DGKK: variants seen among roughly 807,000 people sequenced by gnomAD.
DGKK encodes the protein 142 kDa diacylglycerol kinase.
Under a neutral mutation model 92.2 loss-of-function variants are expected in DGKK, and 35 were observed. The ratio of observed to expected loss-of-function variants is 0.38; its 90% CI spans 0.29 to 0.50. The LOEUF (loss-of-function observed/expected upper bound fraction) is 0.50, where lower values mean the gene tolerates loss of function less well. Ranked by LOEUF, DGKK falls within the 20% of genes least tolerant of loss-of-function variation. The pLI, the probability that DGKK is intolerant of heterozygous loss-of-function variation, is 0.92. For synonymous variants in DGKK, 368 were observed against 360.6 expected (o/e 1.02, Z -0.23); for missense variants, 910 against 992.2 (o/e 0.92, Z 1.11).
intron 6 of DGKK, 39 bp downstream of exon 6, chrX:50,403,452 G>A (rs1420845413): frequency 3.8e-5 from 43 of 1,135,228 alleles, no homozygotes; most frequent in Non-Finnish European, 5.2e-5. Flanking sequence ...AAGGGGACAT[G>A]GGAGAGGCCG....
rs182009806 is a variant in DGKK at position 50,398,596 on chromosome X, G to A, written c.1411+2441C>T. Among the ~76,000 whole-genome samples the A allele has an allele frequency of 1.8e-3, 201 of 111,864 alleles. 1 individual carries two copies. Among genetic ancestry groups the A allele is most frequent in the Middle Eastern group, 9.3e-3 (2 of 216 alleles). On this transcript the variant is annotated intron_variant, in intron 8 of 27. Transcript: ENST00000611977. ...AAGCAATAATATTATATCACTGGTG[G>A]AAAGAAGAAGAAAGTAACAATGCCA...
chrX:50,408,749 A>G (rs1213767903), intron 4 of DGKK, among the ~76,000 whole-genome samples: 1 of 111,988 alleles, frequency 8.9e-6, no homozygotes, highest in Non-Finnish European at 1.9e-5. Context: ...TTGGAAGCAT[A>G]TAGCTTGTTT....
intron 4 of DGKK, among the ~76,000 whole-genome samples, chrX:50,406,878 G>A (rs1368034615): frequency 1.8e-5 from 2 of 111,568 alleles, no homozygotes; most frequent in Non-Finnish European, 3.8e-5. Flanking sequence ...TGGGAAATGG[G>A]GTGCTGCTGT....
At chrX:50,445,750 C>T (rs1445510467) in intron 1 of DGKK, among the ~76,000 whole-genome samples, 3 of 111,103 alleles carry the variant, frequency 2.7e-5, no homozygotes, top group Non-Finnish European at 3.8e-5. Context: ...CTTAGGATTG[C>T]CTTGGCTATT....
rs782465931 is a variant in DGKK at position 50,386,376 on chromosome X, T to G, written c.2329A>C (p.Ile777Leu). The G allele has an allele frequency of 1.7e-6, 2 of 1,207,924 alleles. No individual in the cohort carries two copies. The highest frequency in any genetic ancestry group is 4.4e-5 in the Admixed American group (2 of 45,958). The change falls in exon 15 of 28, where the codon ATA becomes CTA. Residue 777 changes from isoleucine to leucine, a missense_variant. Ile to Leu is a conservative substitution (Grantham distance 5). Coordinates refer to ENST00000611977, the MANE Select transcript of DGKK (RefSeq NM_001013742.4). ...ACCTTACCTTGTTCAACTTGAAATATGATGAGTTTCAAGGATTTCTGGAGA... is the reference window on the plus strand; with the variant it reads ...ACCTTACCTTGTTCAACTTGAAATAGGATGAGTTTCAAGGATTTCTGGAGA... ...QSLQKSLKLI[I>L]FQVEQALDEE...
intron 4 of DGKK, among the ~76,000 whole-genome samples, chrX:50,417,643 A>C (rs1925467981): frequency 9.1e-6 from 1 of 110,013 alleles, no homozygotes; most frequent in African/African-American, 3.3e-5. Context: ...GTTCTCCCCC[A>C]CCCCTAACTC....
intron 1 of DGKK, among the ~76,000 whole-genome samples, chrX:50,429,683 C>T (rs782300216): frequency 1.8e-5 from 2 of 112,427 alleles, no homozygotes; most frequent in African/African-American, 3.2e-5. Context: ...CGCAAGACTC[C>T]GTCACACACA....
chrX:50,381,653 G>T (rs1924418467), intron 18 of DGKK, among the ~76,000 whole-genome samples: 1 of 111,331 alleles, frequency 9.0e-6, no homozygotes, highest in Non-Finnish European at 1.9e-5. Flanking sequence ...AACTTTAGAA[G>T]AAAACTTAGG....
At chrX:50,401,494 T>C (rs1321226202) in intron 7 of DGKK, among the ~76,000 whole-genome samples, 1 of 111,515 alleles carries the variant, frequency 9.0e-6, no homozygotes, top group Non-Finnish European at 1.9e-5. Flanking sequence ...AATATTACAC[T>C]TCAATCCTTA....
intron 1 of DGKK, among the ~76,000 whole-genome samples, chrX:50,438,450 G>A (rs989511950): frequency 2.7e-5 from 3 of 111,386 alleles, no homozygotes; most frequent in East Asian, 5.7e-4. Flanking sequence ...TTACAAAGAG[G>A]GATGACTTTG....
intron 1 of DGKK, among the ~76,000 whole-genome samples, chrX:50,425,918 T>C (rs1176608139): frequency 1.8e-5 from 2 of 112,053 alleles, no homozygotes; most frequent in Admixed American, 1.9e-4. Flanking sequence ...CCAGGTGGCC[T>C]AAAGTACAGT....
chrX:50,384,915 G>C, intron 15 of DGKK, 91 bp from the exon 16 acceptor site: 16 of 603,321 alleles, frequency 2.7e-5, no homozygotes, highest in Non-Finnish European at 3.4e-5. Flanking sequence ...AGGAAGGAAA[G>C]ATTAATTACA....
chrX:50,377,947 G>T, intron 22 of DGKK, 151 bp downstream of exon 22: 1 of 728,571 alleles, frequency 1.4e-6, no homozygotes, highest in East Asian at 3.4e-5. Context: ...GGGGGCCCAA[G>T]AATGCATTTA....
At chrX:50,409,860 T>C (rs1281295021) in intron 4 of DGKK, among the ~76,000 whole-genome samples, 1 of 110,982 alleles carries the variant, frequency 9.0e-6, no homozygotes, top group African/African-American at 3.3e-5. Context: ...TTAGTGCCCT[T>C]ATAAAAGAGA....
At chrX:50,398,321 A>AACTT (rs1165090000) in intron 8 of DGKK, among the ~76,000 whole-genome samples, 1 of 112,124 alleles carries the variant, frequency 8.9e-6, no homozygotes, top group Non-Finnish European at 1.9e-5. Context: ...TCCAGTAGGA[A>AACTT]ACTTACCCAT....
intron 5 of DGKK, 109 bp downstream of exon 5, chrX:50,403,940 C>T (rs1557226944): frequency 1.4e-5 from 14 of 969,310 alleles, no homozygotes; most frequent in Admixed American, 3.1e-5. Flanking sequence ...GTTAACCTCA[C>T]ACCAGAGTCA....
chrX:50,456,056 G>A (rs1279796068), intron 1 of DGKK, among the ~76,000 whole-genome samples: 3 of 111,663 alleles, frequency 2.7e-5, no homozygotes, highest in Non-Finnish European at 5.7e-5. Context: ...ATCTTGCCCT[G>A]CAGCTATTCT....
At chrX:50,440,703 T>C (rs1557231220) in intron 1 of DGKK, among the ~76,000 whole-genome samples, 1 of 111,379 alleles carries the variant, frequency 9.0e-6, no homozygotes, top group African/African-American at 3.3e-5. Flanking sequence ...GATGACTGTA[T>C]AGTTAACTTG....
chrX:50,391,693 C>T (rs782187743), intron 10 of DGKK, 117 bp from the exon 11 acceptor site: 98 of 819,160 alleles, frequency 1.2e-4, no homozygotes, highest in Admixed American at 7.9e-4. Context: ...AGTGGATTTA[C>T]GGGACTTCAG....
Sources: gnomAD v4.1 joint callset for allele counts (sites outside exome capture counted in the v4.1 genomes callset) on GRCh38, gnomAD v4.1.1 for gene constraint, MANE v1.5 for transcripts, NCBI Gene and HGNC (gene_info 2026-07-23, HGNC 2026-07-21) for gene names.